The following SHH variants were observed in gnomAD, a reference collection of about 807,000 sequenced individuals.
SHH encodes sonic hedgehog protein.
A neutral mutation model predicts 16.6 loss-of-function variants in SHH; 3 were observed. That is an observed-to-expected ratio of 0.18 (90% CI 0.08 to 0.47). SHH has a LOEUF of 0.47. SHH is among the 20% of genes least tolerant of loss of function. The pLI is 0.98. For synonymous variants in SHH, 351 were observed against 316.2 expected (o/e 1.11, Z -1.17); for missense variants, 499 against 665.0 (o/e 0.75, Z 2.75).
chr7:155,803,527 C>T lies in SHH; in HGVS notation c.762G>A (p.Val254=). 1.9e-6 allele frequency: 3 copies of T among 1,590,652 alleles called. No homozygotes were observed. The highest frequency in any genetic ancestry group is 2.6e-6 in the Non-Finnish European group (3 of 1,174,326). Residue 254 remains valine (V), a synonymous_variant, in exon 3 of 3, where the codon GTG becomes GTA. Coordinates refer to ENST00000297261, the MANE Select transcript of SHH (RefSeq NM_000193.4). ...RDDGAKKVFY[V]IETREPRERL... is the part of the protein sequence containing the mutation. ...GCTCGCGCGGCTCCCGCGTCTCGATCACGTAGAAGACCTTCTTGGCGCCGT... is the reference window on the plus strand; with the variant it reads ...GCTCGCGCGGCTCCCGCGTCTCGATTACGTAGAAGACCTTCTTGGCGCCGT...
At position 155,809,958 on chromosome 7, in the gene SHH, C is replaced by T. The variant is rs562657266; in HGVS notation, c.300+1865G>A. On this transcript the variant is annotated intron_variant, in intron 1 of 2. Transcript: ENST00000297261. This position sits in a 1 kb window ranked among gnomAD's most constrained non-coding sequence, Gnocchi z 6.1. ...CGGCGGAGCCCGCGATGCGCCCCGG[C>T]CCCTGCGCGGGCGCCCCCATCTCCG... Among the ~76,000 whole-genome samples, 3 of 151,802 alleles carry T rather than the reference C, an allele frequency of 2.0e-5. 1 individual carries two copies. In the South Asian group the frequency reaches 6.2e-4, roughly 31 times the overall value.
intron 1 of SHH, chr7:155,806,938 CCCCCACG>C: frequency 4.0e-6 from 1 of 249,970 alleles, no homozygotes; most frequent in South Asian, 3.9e-5. Context: ...ACCCGCCCCG[CCCCCACG>C]TTGCCCTCCA....
chr7:155,806,355 G>C lies in SHH; in HGVS notation c.503C>G (p.Ala168Gly). The change falls in exon 2 of 3, where the codon GCC becomes GGC. Residue 168 changes from alanine to glycine, a missense_variant. Physicochemically the swap from Ala to Gly is moderately conservative, Grantham distance 60. Transcript: ENST00000297261. ...CTCGTAGTACACCCAGTCGAAGCCG[G>C]CCTCCACCGCCAGGCGGGCCAGCAT... The part of the protein sequence containing the change: ...YGMLARLAVE[A>G]GFDWVYYESK... 1 of 1,613,546 alleles carries C rather than the reference G, an allele frequency of 6.2e-7. No homozygotes were observed.
In SHH at chr7:155,806,405, A is replaced by G. The variant is rs912006512; in HGVS notation, c.453T>C (p.Ser151=). The G allele has an allele frequency of 6.2e-7, 1 of 1,613,738 alleles. No homozygotes were observed. The highest frequency in any genetic ancestry group is 1.6e-4 in the Middle Eastern group (1 of 6,062). The change falls in exon 2 of 3, where the codon TCT becomes TCC. Residue 151 remains serine, a synonymous_variant. Transcript: ENST00000297261. ...YEGRAVDITT[S]DRDRSKYGML... ...TGCCGTACTTGCTGCGGTCGCGGTC[A>G]GACGTGGTGATGTCCACTGCGCGGC...
rs1462317943 is a variant in SHH, at chr7:155,809,877, G to A, written c.300+1946C>T. Among the ~76,000 whole-genome samples the A allele has an allele frequency of 6.6e-6, 1 of 151,564 alleles. No homozygotes were observed. The highest frequency in any genetic ancestry group is 6.6e-5 in the Admixed American group (1 of 15,216). On this transcript the variant is annotated intron_variant, in intron 1 of 2. Coordinates refer to ENST00000297261, the MANE Select transcript of SHH (RefSeq NM_000193.4). The surrounding 1 kb of genome is among the most constrained non-coding windows in gnomAD (Gnocchi z 6.1). ...CTGGGGGCTCCGGCTGGGACGCGGA[G>A]GCCTAGAGGCCAGGCAGGCGGCGGA...
chr7:155,807,465 A>C lies in SHH; in HGVS notation c.301-908T>G. 2 of 112,220 alleles carry C rather than the reference A, an allele frequency of 1.8e-5. No homozygotes were observed. Among genetic ancestry groups the C allele is most frequent in the South Asian group, 3.0e-4 (1 of 3,354 alleles). 7.0% of individuals were successfully genotyped at this position (112,220 alleles called of 1,614,324 possible). ...GGGGGAGGGGTTTGAGAGGAGGGGGAGGGGAGACAGGAAGGCCTGAGGTCT... is the reference window on the plus strand; with the variant it reads ...GGGGGAGGGGTTTGAGAGGAGGGGGCGGGGAGACAGGAAGGCCTGAGGTCT... On this transcript the variant is annotated intron_variant, in intron 1 of 2. Coordinates refer to ENST00000297261, the MANE Select transcript of SHH (RefSeq NM_000193.4). This position sits in a 1 kb window ranked among gnomAD's most constrained non-coding sequence, Gnocchi z 7.1.
chr7:155,806,704 GAC>G lies in SHH; in HGVS notation c.301-149_301-148del, dbSNP rs1803373072. 6.1e-6 allele frequency: 6 copies of G among 986,142 alleles called. No homozygotes were observed. The highest frequency in any genetic ancestry group is 2.7e-5 in the South Asian group (2 of 73,908). 61.1% of individuals were successfully genotyped at this position (986,142 alleles called of 1,614,324 possible). A position where few individuals can be genotyped will look rare whatever the true frequency, so the allele number is the denominator to read the frequency against. ...GGGAGACGGGGGTTGGAATGGCCCAGACACACCGAAGAGCCGGGCCCTGGGCT... is the reference window on the plus strand; with the variant it reads ...GGGAGACGGGGGTTGGAATGGCCCAGACACCGAAGAGCCGGGCCCTGGGCT... On this transcript the variant is annotated intron_variant, in intron 1 of 2. Transcript: ENST00000297261.
chr7:155,803,698 G>C lies in SHH; in HGVS notation c.591C>G (p.Gly197=). ...AENSVAAKSG[G]CFPGSATVHL... is the part of the protein sequence containing the mutation. ...GCACCGTGGCCGAGCCCGGGAAGCAGCCTCCCGATTTGGCCGCCACCGAGT... is the reference window on the plus strand; with the variant it reads ...GCACCGTGGCCGAGCCCGGGAAGCACCCTCCCGATTTGGCCGCCACCGAGT... The change falls in exon 3 of 3, where the codon GGC becomes GGG. Residue 197 remains glycine (G), a synonymous_variant. Transcript: ENST00000297261. 1 of 1,597,810 alleles carries C rather than the reference G, an allele frequency of 6.3e-7. No homozygotes were observed. Among genetic ancestry groups the C allele is most frequent in the Non-Finnish European group, 8.5e-7 (1 of 1,179,482 alleles).
At position 155,809,563 on chromosome 7, in the gene SHH, C is replaced by T. The variant is rs1356344494; in HGVS notation, c.300+2260G>A. Among the ~76,000 whole-genome samples, 3 of 152,130 alleles carry T rather than the reference C, an allele frequency of 2.0e-5. No homozygotes were observed. Among genetic ancestry groups the T allele is most frequent in the East Asian group, 3.9e-4 (2 of 5,168 alleles). ...TCACAGACTGCCAGCCCCTACCCCC[C>T]TCGGTTTTAGGGGACCTTTGTGGGG... On this transcript the variant is annotated intron_variant, in intron 1 of 2. Coordinates refer to ENST00000297261, the MANE Select transcript of SHH (RefSeq NM_000193.4). The surrounding 1 kb of genome is among the most constrained non-coding windows in gnomAD (Gnocchi z 6.1).
Position 155,800,022 on chromosome 7 carries a change from C to A in SHH, c.*2878G>T, listed in dbSNP as rs550821094. Reference sequence around the variant, plus strand: ...CTTTAATTATTCAAACAATAGAGCACAAAGATAACAGTTTCAAGTACATTG... The same window carrying A: ...CTTTAATTATTCAAACAATAGAGCAAAAAGATAACAGTTTCAAGTACATTG... On this transcript the variant is annotated 3_prime_UTR_variant, in exon 3 of 3. Transcript: ENST00000297261. The A allele has an allele frequency of 2.1e-6, 1 of 471,146 alleles. No homozygotes were observed. 29.2% of individuals were successfully genotyped at this position (471,146 alleles called of 1,614,324 possible). A position where few individuals can be genotyped will look rare whatever the true frequency, so the allele number is the denominator to read the frequency against.
chr7:155,804,556 A>AC (rs111407140), intron 2 of SHH, among the ~76,000 whole-genome samples: 3,815 of 130,316 alleles, frequency 0.029, 55 homozygotes, highest in African/African-American at 0.057. Flanking sequence ...CTCAGGTGCA[A>AC]CCCCCCCCCA....
intron 1 of SHH, 28 bp from the exon 2 acceptor site, chr7:155,806,585 C>A: frequency 6.2e-7 from 1 of 1,610,412 alleles, no homozygotes; most frequent in Non-Finnish European, 8.5e-7. Context: ...CCCCCACCGA[C>A]GGACACGTTA....
chr7:155,806,843 A>G, intron 1 of SHH: 1 of 557,772 alleles, frequency 1.8e-6, no homozygotes, highest in South Asian at 2.0e-5. Context: ...GCGAGGCCTA[A>G]GAAGCAAATA....
In SHH at chr7:155,803,097, C is replaced by T; in HGVS notation, c.1192G>A (p.Gly398Ser). The part of the protein sequence containing the change: ...AALAPARTDR[G>S]GDSGGGDRGG... Reference sequence around the variant, plus strand: ...CGGTCCCCGCCGCCGCTGTCCCCGCCGCGGTCCGTGCGCGCGGGCGCCAGT... The same window carrying T: ...CGGTCCCCGCCGCCGCTGTCCCCGCTGCGGTCCGTGCGCGCGGGCGCCAGT... Residue 398 changes from glycine to serine, a missense_variant, in exon 3 of 3, where the codon GGC (glycine) becomes AGC (serine). Physicochemically the swap from Gly to Ser is moderately conservative, Grantham distance 56. Coordinates refer to ENST00000297261, the MANE Select transcript of SHH (RefSeq NM_000193.4). 7.4e-7 allele frequency: 1 copy of T among 1,350,112 alleles called. No individual in the cohort carries two copies. The highest frequency in any genetic ancestry group is 9.5e-7 in the Non-Finnish European group (1 of 1,052,572). The allele number at this position is 1,350,112 out of a possible 1,614,324, so 83.6% of individuals were successfully genotyped here. A position where few individuals can be genotyped will look rare whatever the true frequency, so the allele number is the denominator to read the frequency against.
chr7:155,806,881 T>C, intron 1 of SHH: 1 of 450,752 alleles, frequency 2.2e-6, no homozygotes, highest in South Asian at 2.1e-5. Flanking sequence ...GTGACCTGCA[T>C]GTTTAAGACA....
At chr7:155,810,186 C>T (rs1370097201) in intron 1 of SHH, among the ~76,000 whole-genome samples, 3 of 152,222 alleles carry the variant, frequency 2.0e-5, no homozygotes, top group African/African-American at 7.2e-5. Flanking sequence ...TGTGCGCTTG[C>T]AGCTTTGCAG....
At position 155,800,867 on chromosome 7, in the gene SHH, G is replaced by C; in HGVS notation, c.*2033C>G. The stretch of plus-strand genomic sequence containing the variant: ...CCCCTGCCAGGTGGGGCTGAAGTCT[G>C]TTCACTCCTGTTCCCTAAGCCTGGA... On this transcript the variant is annotated 3_prime_UTR_variant, in exon 3 of 3. Coordinates refer to ENST00000297261, the MANE Select transcript of SHH (RefSeq NM_000193.4). 1 of 335,166 alleles carries C rather than the reference G, an allele frequency of 3.0e-6. No homozygotes were observed. Among genetic ancestry groups the C allele is most frequent in the Non-Finnish European group, 5.9e-6 (1 of 168,654 alleles). 20.8% of individuals were successfully genotyped at this position (335,166 alleles called of 1,614,324 possible). A position where few individuals can be genotyped will look rare whatever the true frequency, so the allele number is the denominator to read the frequency against.
At position 155,809,211 on chromosome 7, in the gene SHH, TTCC is replaced by T. The variant is rs1279290295; in HGVS notation, c.300+2609_300+2611del. 6.6e-6 allele frequency: 1 copy of T among 152,272 alleles called. No homozygotes were observed. The highest frequency in any genetic ancestry group is 1.5e-5 in the Non-Finnish European group (1 of 68,114). 9.4% of individuals were successfully genotyped at this position (152,272 alleles called of 1,614,324 possible). On this transcript the variant is annotated intron_variant, in intron 1 of 2. Transcript: ENST00000297261. This position sits in a 1 kb window ranked among gnomAD's most constrained non-coding sequence, Gnocchi z 6.1. ...TTAATATTAACCGGCAGCTCCTGCG[TTCC>T]GGAACTGCTCCGAAAGTTCCACTGG...
At position 155,802,691 on chromosome 7, in the gene SHH, C is replaced by CA. The variant is rs9333637; in HGVS notation, c.*208dup. ...AAATAAAACAATAACCAAAAAAATT[C>CA]AAAAAATATATATCAACTAAGCACA... On this transcript the variant is annotated 3_prime_UTR_variant, in exon 3 of 3. Coordinates refer to ENST00000297261, the MANE Select transcript of SHH (RefSeq NM_000193.4). The CA allele has an allele frequency of 3.5e-3, 1,377 of 397,724 alleles. 4 individuals are homozygous for CA. The highest frequency in any genetic ancestry group is 0.019 in the Middle Eastern group (30 of 1,600). 24.6% of individuals were successfully genotyped at this position (397,724 alleles called of 1,614,324 possible).
Sources: allele counts gnomAD v4.1 joint callset (sites outside exome capture counted in the v4.1 genomes callset), GRCh38; gene constraint gnomAD v4.1.1; non-coding constraint Gnocchi (gnomAD v3.1); transcripts MANE v1.5; gene names NCBI Gene and HGNC (gene_info 2026-07-23, HGNC 2026-07-21).